PDE10A: variants seen among roughly 807,000 people sequenced by gnomAD.
The protein encoded by PDE10A is phosphodiesterase 10A, also known as cAMP and cAMP-inhibited cGMP 3',5'-cyclic phosphodiesterase 10A.
In PDE10A, 39 loss-of-function variants were observed where a neutral mutation model predicts 97.7. The ratio of observed to expected loss-of-function variants is 0.40; its 90% CI spans 0.31 to 0.52. The LOEUF (loss-of-function observed/expected upper bound fraction) is 0.52. Ranked by LOEUF, PDE10A falls within the 20% of genes least tolerant of loss-of-function variation. PDE10A has a pLI of 0.56. For synonymous variants in PDE10A, 371 were observed against 376.8 expected (o/e 0.98, Z 0.18); for missense variants, 731 against 1,047.8 (o/e 0.70, Z 4.17).
At chr6:165,367,723 A>T (rs926547584) in intron 18 of PDE10A, among the ~76,000 whole-genome samples, 3 of 152,098 alleles carry the variant, frequency 2.0e-5, no homozygotes, top group Non-Finnish European at 4.4e-5. Context: ...ATGAAAAAAT[A>T]ATCTGCCCAC....
chr6:165,408,620 C>T (rs747921986), intron 13 of PDE10A, among the ~76,000 whole-genome samples: 3 of 151,956 alleles, frequency 2.0e-5, no homozygotes, highest in African/African-American at 4.8e-5. Flanking sequence ...TTTTTATTTA[C>T]ATGGATGCTT....
intron 5 of PDE10A, 33 bp downstream of exon 5, chr6:165,448,895 C>G (rs761419538): frequency 2.1e-6 from 3 of 1,426,086 alleles, no homozygotes. Flanking sequence ...ATTTTCTTAT[C>G]TAGAGCACCA....
At chr6:165,545,766 T>C (rs138303871) in intron 1 of PDE10A, among the ~76,000 whole-genome samples, 226 of 152,158 alleles carry the variant, frequency 1.5e-3, no homozygotes, top group African/African-American at 5.3e-3. Flanking sequence ...ACAGTACCAA[T>C]TGTTGGCATG....
chr6:165,874,346 A>G (rs1212459645), intron 1 of PDE10A, among the ~76,000 whole-genome samples: 1 of 149,752 alleles, frequency 6.7e-6, no homozygotes, highest in Non-Finnish European at 1.5e-5. Context: ...TGCTACTCAT[A>G]TGGTGGAAGA....
At chr6:165,678,204 TG>T (rs1471029790) in intron 1 of PDE10A, among the ~76,000 whole-genome samples, 3 of 150,274 alleles carry the variant, frequency 2.0e-5, no homozygotes, top group African/African-American at 4.9e-5. Flanking sequence ...TATGTATATG[TG>T]TGTCTGTGTG....
At chr6:165,894,785 A>G in intron 1 of PDE10A, 1 of 265,676 alleles carries the variant, frequency 3.8e-6, no homozygotes, top group South Asian at 4.4e-5. Flanking sequence ...TATTTATAGT[A>G]TATTTGTTCA....
At chr6:165,529,731 A>T (rs1168888063) in intron 2 of PDE10A, among the ~76,000 whole-genome samples, 1 of 152,178 alleles carries the variant, frequency 6.6e-6, no homozygotes, top group African/African-American at 2.4e-5. Flanking sequence ...ATGGAATAGT[A>T]TTTGGGTTGG....
At chr6:165,765,266 A>G (rs916501895) in intron 1 of PDE10A, among the ~76,000 whole-genome samples, 1 of 152,272 alleles carries the variant, frequency 6.6e-6, no homozygotes, top group Non-Finnish European at 1.5e-5. Context: ...GCTGCCCGCC[A>G]GTCCCACGCC....
chr6:165,979,715 C>T (rs550247599), intron 1 of PDE10A, among the ~76,000 whole-genome samples: 41 of 152,218 alleles, frequency 2.7e-4, no homozygotes, highest in Non-Finnish European at 4.7e-4. Flanking sequence ...GTTAAGACAC[C>T]ACCACTCCCA....
At chr6:165,549,681 A>C (rs1174624665) in intron 1 of PDE10A, among the ~76,000 whole-genome samples, 1 of 152,194 alleles carries the variant, frequency 6.6e-6, no homozygotes, top group African/African-American at 2.4e-5. Flanking sequence ...TATGTCACCA[A>C]CTGAATGCAA....
At chr6:165,475,768 A>G (rs1408714011) in intron 3 of PDE10A, among the ~76,000 whole-genome samples, 1 of 152,234 alleles carries the variant, frequency 6.6e-6, no homozygotes, top group Non-Finnish European at 1.5e-5. Flanking sequence ...TTCTTTTGAA[A>G]CTTGGCATAC....
At chr6:165,731,038 C>T (rs566854515) in intron 1 of PDE10A, among the ~76,000 whole-genome samples, 29 of 152,248 alleles carry the variant, frequency 1.9e-4, no homozygotes, top group African/African-American at 2.2e-4. Context: ...AGTGAGACTC[C>T]GTCTCAAAAA....
intron 16 of PDE10A, among the ~76,000 whole-genome samples, chr6:165,392,083 G>T (rs1785762109): frequency 6.6e-6 from 1 of 152,200 alleles, no homozygotes; most frequent in Non-Finnish European, 1.5e-5. Flanking sequence ...ATTTAGCCTG[G>T]CTTTCAAGTA....
intron 1 of PDE10A, among the ~76,000 whole-genome samples, chr6:165,680,153 G>A (rs1262449325): frequency 1.3e-5 from 2 of 152,042 alleles, no homozygotes; most frequent in African/African-American, 4.8e-5. Context: ...GTGAGCTCTC[G>A]TTTGTCTCTT....
chr6:165,394,183 C>T (rs189360090), intron 15 of PDE10A, among the ~76,000 whole-genome samples: 4 of 152,180 alleles, frequency 2.6e-5, no homozygotes, highest in Admixed American at 2.0e-4. Context: ...CCTTCATCTA[C>T]ATTTGCTATT....
At chr6:165,798,714 C>G (rs115102607) in intron 1 of PDE10A, among the ~76,000 whole-genome samples, 34,890 of 151,764 alleles carry the variant, frequency 0.23, 4,062 homozygotes, top group African/African-American at 0.27. Context: ...ACCAATCACA[C>G]ACACACACAC....
At chr6:165,565,819 ATACAG>A (rs1784751009) in intron 1 of PDE10A, among the ~76,000 whole-genome samples, 1 of 152,204 alleles carries the variant, frequency 6.6e-6, no homozygotes, top group Admixed American at 6.5e-5. Context: ...AGCAAATGCA[ATACAG>A]TAGAGAAAAA....
intron 1 of PDE10A, among the ~76,000 whole-genome samples, chr6:165,878,582 G>C (rs1381226827): frequency 6.6e-6 from 1 of 152,198 alleles, no homozygotes; most frequent in Admixed American, 6.5e-5. Flanking sequence ...TGATTTTCTG[G>C]TTTAAAGAGA....
At position 165,331,938 on chromosome 6, in the gene PDE10A, A is replaced by C. The variant is rs1781366859; in HGVS notation, c.*1087T>G. 1 of 152,210 alleles carries C rather than the reference A, an allele frequency of 6.6e-6. No homozygotes were observed. The highest frequency in any genetic ancestry group is 2.4e-5 in the African/African-American group (1 of 41,458). The allele number at this position is 152,210 out of a possible 1,614,324, so 9.4% of individuals were successfully genotyped here. A position where few individuals can be genotyped will look rare whatever the true frequency, so the allele number is the denominator to read the frequency against. On this transcript the variant is annotated 3_prime_UTR_variant, in exon 22 of 22. Transcript: ENST00000539869. Reference sequence around the variant, plus strand: ...ATGGACAGAAAGCTCATGAAATACGACCGTGCAGTACGTGGAAGAGATAAG... The same window carrying C: ...ATGGACAGAAAGCTCATGAAATACGCCCGTGCAGTACGTGGAAGAGATAAG...
Sources: allele counts gnomAD v4.1 joint callset (sites outside exome capture counted in the v4.1 genomes callset), GRCh38; gene constraint gnomAD v4.1.1; transcripts MANE v1.5; gene names NCBI Gene and HGNC (gene_info 2026-07-23, HGNC 2026-07-21).